The following GRIK2 variants were observed in gnomAD, a reference collection of about 807,000 sequenced individuals.
GRIK2 encodes glutamate ionotropic receptor kainate type subunit 2, also known as glutamate receptor ionotropic, kainate 2.
A neutral mutation model predicts 100.3 loss-of-function variants in GRIK2; 32 were observed. The observed-to-expected ratio is 0.32, with a 90% CI of 0.24 to 0.43. The LOEUF is 0.43. GRIK2 is among the 20% of genes least tolerant of loss of function. The pLI is 1.00. For synonymous variants in GRIK2, 417 were observed against 389.4 expected, an observed-to-expected ratio of 1.07 and a Z score of -0.83; for missense variants, 843 against 1,114.9, an observed-to-expected ratio of 0.76 and a Z score of 3.47.
chr6:101,423,036 T>C (rs985507817), intron 2 of GRIK2, among the ~76,000 whole-genome samples: 1 of 152,218 alleles, frequency 6.6e-6, no homozygotes, highest in African/African-American at 2.4e-5. Flanking sequence ...TAGCACATGC[T>C]GAAATATAAA....
At chr6:101,788,982 T>C (rs945371591) in intron 7 of GRIK2, among the ~76,000 whole-genome samples, 3 of 151,484 alleles carry the variant, frequency 2.0e-5, no homozygotes, top group Non-Finnish European at 4.4e-5. Flanking sequence ...CTTTTTTTCA[T>C]GTGTCTTTTG....
Position 102,033,469 on chromosome 6 carries a change from C to T in GRIK2, c.2086-1872C>T, listed in dbSNP as rs771939655. On this transcript the variant is annotated intron_variant, in intron 14 of 16. Coordinates refer to ENST00000369134, the MANE Select transcript of GRIK2 (RefSeq NM_021956.5). Reference sequence around the variant, plus strand: ...CATGCTATTCGGAGATAGGCTGTAACAATGTAACTGTTTTTAAAACATCCC... The same window carrying T: ...CATGCTATTCGGAGATAGGCTGTAATAATGTAACTGTTTTTAAAACATCCC... Among the ~76,000 whole-genome samples the T allele has an allele frequency of 6.5e-4, 98 of 151,354 alleles. 1 individual carries two copies. Among genetic ancestry groups the T allele is most frequent in the Middle Eastern group, 6.8e-3 (2 of 294 alleles).
intron 2 of GRIK2, among the ~76,000 whole-genome samples, chr6:101,585,669 G>C (rs902328542): frequency 3.3e-5 from 5 of 152,066 alleles, no homozygotes; most frequent in African/African-American, 1.2e-4. Flanking sequence ...AGTGACCATG[G>C]ATTAACTTCT....
chr6:101,765,242 A>C (rs903538886), intron 7 of GRIK2, among the ~76,000 whole-genome samples: 1 of 152,116 alleles, frequency 6.6e-6, no homozygotes, highest in South Asian at 2.1e-4. Context: ...TTTGTACTGC[A>C]TCTTCAATTG....
At position 101,488,883 on chromosome 6, in the gene GRIK2, G is replaced by A. The variant is rs1299720268; in HGVS notation, c.115+89491G>A. On this transcript the variant is annotated intron_variant, in intron 2 of 16. Coordinates refer to ENST00000369134, the MANE Select transcript of GRIK2 (RefSeq NM_021956.5). ...CAAAAAACATGTAAATAAAACTATT[G>A]GAGTTTTCTTTATAATTCTGAGGGT... Among the ~76,000 whole-genome samples, 3 of 145,804 alleles carry A rather than the reference G, an allele frequency of 2.1e-5. No individual in the cohort carries two copies. The East Asian group carries it at 5.8e-4, about 28-fold the overall frequency.
chr6:101,945,777 T>G (rs1791235793), intron 14 of GRIK2, among the ~76,000 whole-genome samples: 1 of 152,160 alleles, frequency 6.6e-6, no homozygotes, highest in African/African-American at 2.4e-5. Context: ...ATAACACATG[T>G]TCCTTCCATG....
At chr6:101,674,899 T>C (rs887016119) in intron 4 of GRIK2, among the ~76,000 whole-genome samples, 2 of 152,184 alleles carry the variant, frequency 1.3e-5, no homozygotes, top group Non-Finnish European at 2.9e-5. Context: ...TATTGTTAAT[T>C]GATACATAAT....
At chr6:101,554,622 G>A (rs140885407) in intron 2 of GRIK2, among the ~76,000 whole-genome samples, 1,758 of 152,110 alleles carry the variant, frequency 0.012, 21 homozygotes, top group Non-Finnish European at 0.016. Flanking sequence ...CACTATCATG[G>A]CAATCAATAC....
At chr6:101,441,826 T>A (rs2128246291) in intron 2 of GRIK2, among the ~76,000 whole-genome samples, 1 of 152,274 alleles carries the variant, frequency 6.6e-6, no homozygotes, top group East Asian at 1.9e-4. Context: ...TGTTGTTCCC[T>A]TCTTTGTGTC....
intron 2 of GRIK2, among the ~76,000 whole-genome samples, chr6:101,440,718 C>T (rs546991572): frequency 1.3e-5 from 2 of 152,072 alleles, no homozygotes; most frequent in South Asian, 4.2e-4. Flanking sequence ...CCTTCTCTGC[C>T]CTAAAACATA....
At chr6:101,854,049 A>G (rs1237712472) in intron 10 of GRIK2, among the ~76,000 whole-genome samples, 3 of 152,150 alleles carry the variant, frequency 2.0e-5, no homozygotes, top group Non-Finnish European at 4.4e-5. Context: ...AATAGACAAC[A>G]CCAAGAATGT....
At chr6:101,493,126 T>G (rs1246865501) in intron 2 of GRIK2, among the ~76,000 whole-genome samples, 1 of 151,938 alleles carries the variant, frequency 6.6e-6, no homozygotes, top group African/African-American at 2.4e-5. Flanking sequence ...GAGAAGAGTT[T>G]AGATATACAA....
chr6:101,889,556 T>C, intron 11 of GRIK2, 84 bp from the exon 12 acceptor site: 2 of 735,910 alleles, frequency 2.7e-6, no homozygotes, highest in Non-Finnish European at 4.6e-6. Context: ...ATTTGATTAC[T>C]GATTTTTTCT....
intron 7 of GRIK2, among the ~76,000 whole-genome samples, chr6:101,760,778 A>G (rs1231957074): frequency 2.2e-5 from 3 of 135,970 alleles, no homozygotes; most frequent in Non-Finnish European, 4.7e-5. Flanking sequence ...CAAGGTTAAC[A>G]CAAACTATGC....
chr6:101,924,746 T>C (rs1789776524), intron 13 of GRIK2, 27 bp downstream of exon 13: 11 of 1,361,658 alleles, frequency 8.1e-6, no homozygotes, highest in Non-Finnish European at 1.2e-5. Context: ...GCTATTTCCT[T>C]TGGGCACCAT....
At position 101,979,540 on chromosome 6, in the gene GRIK2, T is replaced by A. The variant is rs1793593080; in HGVS notation, c.2085+50908T>A. Among the ~76,000 whole-genome samples, 2 of 151,794 alleles carry A rather than the reference T, an allele frequency of 1.3e-5. 1 individual carries two copies. The highest frequency in any genetic ancestry group is 4.1e-4 in the South Asian group (2 of 4,822). ...CCTGGAAAACTTGTGAGTGTTGGAG[T>A]ATAAGCAGAGGTGGGTAAGAAGAAA... On this transcript the variant is annotated intron_variant, in intron 14 of 16. Coordinates refer to ENST00000369134, the MANE Select transcript of GRIK2 (RefSeq NM_021956.5).
At chr6:101,957,300 A>T (rs997645503) in intron 14 of GRIK2, among the ~76,000 whole-genome samples, 1 of 151,738 alleles carries the variant, frequency 6.6e-6, no homozygotes, top group Non-Finnish European at 1.5e-5. Context: ...TCTTATTCTG[A>T]AAAATCTCTT....
chr6:101,720,762 T>C (rs984156485), intron 7 of GRIK2, among the ~76,000 whole-genome samples: 1 of 152,048 alleles, frequency 6.6e-6, no homozygotes, highest in African/African-American at 2.4e-5. Context: ...AACTCACTTA[T>C]TTGCAAACTA....
intron 2 of GRIK2, among the ~76,000 whole-genome samples, chr6:101,402,750 CCT>C (rs2128236066): frequency 6.6e-6 from 1 of 152,310 alleles, no homozygotes; most frequent in African/African-American, 2.4e-5. Context: ...GGGAGCAGAG[CCT>C]GCGACTCTCC....
Sources: gnomAD v4.1 joint callset for allele counts (sites outside exome capture counted in the v4.1 genomes callset) on GRCh38, gnomAD v4.1.1 for gene constraint, MANE v1.5 for transcripts, NCBI Gene and HGNC (gene_info 2026-07-23, HGNC 2026-07-21) for gene names.